GPC5: variants seen among roughly 807,000 people sequenced by gnomAD.
GPC5 encodes glypican 5, also known as glypican-5.
Under a neutral mutation model 53.9 loss-of-function variants are expected in GPC5, and 47 were observed. The observed-to-expected ratio is 0.87, with a 90% CI of 0.69 to 1.11. GPC5 has a LOEUF of 1.11. Among genes scored for constraint, GPC5 ranks in the 50% most tolerant of loss-of-function variants. The pLI, the probability that GPC5 is intolerant of heterozygous loss-of-function variation, is 0.00. For missense variants in GPC5, 748 were observed against 713.1 expected (o/e 1.05, Z -0.56); for synonymous variants, 286 against 263.3 (o/e 1.09, Z -0.84).
intron 7 of GPC5, among the ~76,000 whole-genome samples, chr13:92,734,096 G>A (rs1888876986): frequency 6.6e-6 from 1 of 151,618 alleles, no homozygotes; most frequent in African/African-American, 2.4e-5. Flanking sequence ...TGTGATATTG[G>A]CCTGTGGTCA....
intron 1 of GPC5, among the ~76,000 whole-genome samples, chr13:91,427,386 C>T (rs1193727219): frequency 6.6e-6 from 1 of 152,154 alleles, no homozygotes; most frequent in Admixed American, 6.5e-5. Flanking sequence ...ATCAGTGTGA[C>T]CTTGATGTGA....
At chr13:92,233,280 G>C (rs1313523341) in intron 7 of GPC5, among the ~76,000 whole-genome samples, 1 of 152,190 alleles carries the variant, frequency 6.6e-6, no homozygotes, top group Admixed American at 6.5e-5. Flanking sequence ...ATAAAACAAA[G>C]TTTGTAGCAA....
intron 7 of GPC5, among the ~76,000 whole-genome samples, chr13:92,757,026 C>G (rs1457121682): frequency 6.6e-6 from 1 of 151,776 alleles, no homozygotes; most frequent in Non-Finnish European, 1.5e-5. Flanking sequence ...ATTGCCAAGT[C>G]AATCCTAAGC....
intron 7 of GPC5, among the ~76,000 whole-genome samples, chr13:92,385,455 T>C (rs143094335): frequency 0.2 from 12,317 of 62,786 alleles, 2,631 homozygotes; most frequent in Non-Finnish European, 0.27. Context: ...CATATATACA[T>C]ATATACACAT....
intron 4 of GPC5, among the ~76,000 whole-genome samples, chr13:91,739,019 A>G (rs2036872998): frequency 6.6e-6 from 1 of 151,342 alleles, no homozygotes; most frequent in Non-Finnish European, 1.5e-5. Context: ...CAGGTGATGA[A>G]TTTTTGCAGC....
At chr13:91,842,570 C>T (rs922809394) in intron 5 of GPC5, among the ~76,000 whole-genome samples, 10 of 149,942 alleles carry the variant, frequency 6.7e-5, no homozygotes, top group African/African-American at 2.2e-4. Flanking sequence ...GGCGTGTTGG[C>T]GGGCGCCTGT....
intron 7 of GPC5, among the ~76,000 whole-genome samples, chr13:92,296,612 C>G (rs1325472007): frequency 6.6e-6 from 1 of 152,192 alleles, no homozygotes; most frequent in Non-Finnish European, 1.5e-5. Context: ...GAGCCCCTTT[C>G]TGGGCTGGCC....
chr13:92,423,564 C>T (rs1594190090), intron 7 of GPC5, among the ~76,000 whole-genome samples: 1 of 152,110 alleles, frequency 6.6e-6, no homozygotes, highest in East Asian at 1.9e-4. Context: ...GATGTCTCCA[C>T]CAAAGCATAG....
intron 4 of GPC5, among the ~76,000 whole-genome samples, chr13:91,730,069 A>G (rs1483070502): frequency 3.9e-5 from 6 of 152,216 alleles, no homozygotes; most frequent in South Asian, 4.1e-4. Context: ...GCCATTGTCC[A>G]TGAATCAGCA....
chr13:91,643,143 A>C (rs1299353744), intron 2 of GPC5, among the ~76,000 whole-genome samples: 3 of 152,192 alleles, frequency 2.0e-5, no homozygotes, highest in African/African-American at 7.2e-5. Flanking sequence ...AGGTTTTGTA[A>C]TATAGGAATG....
chr13:92,670,103 C>T (rs1886697475), intron 7 of GPC5, among the ~76,000 whole-genome samples: 3 of 152,146 alleles, frequency 2.0e-5, no homozygotes. Flanking sequence ...GGCTGGAACT[C>T]ACTGAATTTC....
chr13:92,249,289 C>A (rs1347707460), intron 7 of GPC5, among the ~76,000 whole-genome samples: 2 of 152,212 alleles, frequency 1.3e-5, no homozygotes, highest in Admixed American at 6.6e-5. Context: ...AGTTCTATGG[C>A]AGAATTCCTA....
intron 2 of GPC5, among the ~76,000 whole-genome samples, chr13:91,538,228 G>A (rs1328154074): frequency 6.6e-6 from 1 of 152,170 alleles, no homozygotes; most frequent in East Asian, 1.9e-4. Flanking sequence ...TATCACAGTT[G>A]AGCAAGGAGC....
intron 6 of GPC5, among the ~76,000 whole-genome samples, chr13:92,143,560 C>T (rs1255426847): frequency 6.6e-6 from 1 of 152,014 alleles, no homozygotes; most frequent in African/African-American, 2.4e-5. Context: ...TTAATGCCAC[C>T]TATTGACTTT....
At chr13:92,840,551 T>C (rs1351225695) in intron 7 of GPC5, among the ~76,000 whole-genome samples, 4 of 152,128 alleles carry the variant, frequency 2.6e-5, no homozygotes, top group Non-Finnish European at 5.9e-5. Context: ...CCTTTAATTG[T>C]TTTCATTTTC....
intron 7 of GPC5, among the ~76,000 whole-genome samples, chr13:92,811,147 T>G (rs1877283832): frequency 6.6e-6 from 1 of 152,056 alleles, no homozygotes. Context: ...ACTGGATTGT[T>G]TCCATATTTT....
At chr13:91,488,956 T>C (rs557307644) in intron 2 of GPC5, among the ~76,000 whole-genome samples, 1 of 152,332 alleles carries the variant, frequency 6.6e-6, no homozygotes, top group East Asian at 1.9e-4. Context: ...CTGTCTTTTA[T>C]GGTCGTAGCT....
At chr13:92,244,630 TA>T (rs1371426726) in intron 7 of GPC5, among the ~76,000 whole-genome samples, 3 of 152,230 alleles carry the variant, frequency 2.0e-5, no homozygotes, top group Non-Finnish European at 2.9e-5. Context: ...TTTGTTTTTT[TA>T]ATTTTTGTAC....
At chr13:91,745,131 T>C (rs1338850281) in intron 4 of GPC5, among the ~76,000 whole-genome samples, 3 of 151,784 alleles carry the variant, frequency 2.0e-5, no homozygotes, top group Non-Finnish European at 4.4e-5. Flanking sequence ...ACAGAGGTAG[T>C]GTTTTTTTAA....
Sources: allele counts gnomAD v4.1 joint callset (sites outside exome capture counted in the v4.1 genomes callset), GRCh38; gene constraint gnomAD v4.1.1; transcripts MANE v1.5; gene names NCBI Gene and HGNC (gene_info 2026-07-23, HGNC 2026-07-21).